The following LIMCH1 variants were observed in gnomAD, a reference collection of about 807,000 sequenced individuals.
LIMCH1 encodes the protein LIM and calponin homology domains-containing protein 1.
A neutral mutation model predicts 176.5 loss-of-function variants in LIMCH1; 113 were observed. The ratio of observed to expected loss-of-function variants is 0.64; its 90% CI spans 0.55 to 0.75. The LOEUF is 0.75. LIMCH1 is among the 30% of genes least tolerant of loss of function. LIMCH1 has a pLI of 0.00. For synonymous variants in LIMCH1, 619 were observed against 645.9 expected, an observed-to-expected ratio of 0.96 and a Z score of 0.63; for missense variants, 1,674 against 1,814.9, an observed-to-expected ratio of 0.92 and a Z score of 1.41.
At chr4:41,610,113 G>A (rs1265596553) in intron 4 of LIMCH1, among the ~76,000 whole-genome samples, 2 of 152,168 alleles carry the variant, frequency 1.3e-5, no homozygotes, top group Non-Finnish European at 2.9e-5. Context: ...TTTCTACACA[G>A]CCGTGAATAT....
chr4:41,687,128 T>C (rs1171755474), intron 28 of LIMCH1, among the ~76,000 whole-genome samples: 1 of 152,200 alleles, frequency 6.6e-6, no homozygotes, highest in Non-Finnish European at 1.5e-5. Context: ...CTGGTATTTT[T>C]CTTTCCCTTG....
chr4:41,454,415 A>G (rs2064273194), intron 1 of LIMCH1, among the ~76,000 whole-genome samples: 1 of 152,156 alleles, frequency 6.6e-6, no homozygotes, highest in Admixed American at 6.5e-5. Context: ...AATTAATAAA[A>G]ATGGAGTGTT....
intron 21 of LIMCH1, among the ~76,000 whole-genome samples, chr4:41,669,746 T>C (rs1452220726): frequency 6.6e-6 from 1 of 152,196 alleles, no homozygotes; most frequent in Non-Finnish European, 1.5e-5. Flanking sequence ...AAATACATGA[T>C]TTGTCTTCAA....
chr4:41,674,471 G>T (rs1489621629), intron 22 of LIMCH1, among the ~76,000 whole-genome samples: 3 of 152,166 alleles, frequency 2.0e-5, no homozygotes, highest in Non-Finnish European at 2.9e-5. Flanking sequence ...ATTAAATTCC[G>T]ATAGAATTTC....
chr4:41,650,306 T>G, intron 17 of LIMCH1, 87 bp from the exon 18 acceptor site: 1 of 906,398 alleles, frequency 1.1e-6, no homozygotes, highest in Non-Finnish European at 1.8e-6. Flanking sequence ...ATGATGATCT[T>G]TTGAGGTAAT....
In LIMCH1 at chr4:41,631,496, G is replaced by T. The variant is rs1394710810; in HGVS notation, c.1601+19G>T. 12 of 1,486,034 alleles carry T rather than the reference G, an allele frequency of 8.1e-6. No homozygotes were observed. The highest frequency in any genetic ancestry group is 1.1e-5 in the Non-Finnish European group (12 of 1,122,036). The allele number at this position is 1,486,034 out of a possible 1,614,324, so 92.1% of individuals were successfully genotyped here. A position where few individuals can be genotyped will look rare whatever the true frequency, so the allele number is the denominator to read the frequency against. ...ACTGCAGGTATTTTTTGCCATACGT[G>T]TGCAAGGATATCTGCATGGGAGTCA... On this transcript the variant is annotated intron_variant, in intron 10 of 31. Transcript: ENST00000503057.
intron 4 of LIMCH1, among the ~76,000 whole-genome samples, chr4:41,608,884 C>T (rs1327925555): frequency 6.6e-6 from 1 of 152,128 alleles, no homozygotes; most frequent in Non-Finnish European, 1.5e-5. Flanking sequence ...TCCTTAAACT[C>T]ATTATTTCTT....
chr4:41,419,280 A>C (rs956430574), intron 1 of LIMCH1, among the ~76,000 whole-genome samples: 1 of 151,888 alleles, frequency 6.6e-6, no homozygotes, highest in Non-Finnish European at 1.5e-5. Flanking sequence ...CGGGTTCCAC[A>C]GATTCTCCTG....
intron 1 of LIMCH1, among the ~76,000 whole-genome samples, chr4:41,440,969 T>C (rs931458434): frequency 1.3e-5 from 2 of 152,212 alleles, no homozygotes; most frequent in Non-Finnish European, 2.9e-5. Context: ...TGGTCTTAAG[T>C]CTTTGATTCT....
At chr4:41,547,873 A>G (rs1366504712) in intron 1 of LIMCH1, among the ~76,000 whole-genome samples, 133 of 134,090 alleles carry the variant, frequency 9.9e-4, no homozygotes, top group African/African-American at 3.7e-3. Context: ...GTATATATAT[A>G]TATATATATA....
intron 1 of LIMCH1, among the ~76,000 whole-genome samples, chr4:41,390,244 G>GAGAC (rs1253371397): frequency 7.5e-6 from 1 of 133,622 alleles, no homozygotes; most frequent in Non-Finnish European, 1.5e-5. Flanking sequence ...CTCAGGGAGA[G>GAGAC]AGAGAGAGAG....
At chr4:41,689,729 G>A in intron 30 of LIMCH1, 94 bp downstream of exon 30, 1 of 776,094 alleles carries the variant, frequency 1.3e-6, no homozygotes. Context: ...ATTCTGGAGG[G>A]CTTTGTCTGT....
At chr4:41,686,370 A>C (rs999407211) in intron 28 of LIMCH1, among the ~76,000 whole-genome samples, 2 of 152,174 alleles carry the variant, frequency 1.3e-5, no homozygotes, top group African/African-American at 2.4e-5. Context: ...CCAATAACTT[A>C]ATGAGATTGT....
intron 18 of LIMCH1, 33 bp downstream of exon 18, chr4:41,650,641 G>T (rs781690694): frequency 2.0e-6 from 3 of 1,536,388 alleles, no homozygotes; most frequent in South Asian, 1.2e-5. Context: ...CCTCCCTTTG[G>T]GATAATTCCA....
intron 1 of LIMCH1, among the ~76,000 whole-genome samples, chr4:41,394,764 G>A (rs145347872): frequency 1.3e-4 from 20 of 152,304 alleles, no homozygotes; most frequent in African/African-American, 4.6e-4. Context: ...ATTATTCATA[G>A]AGCATCTTTC....
intron 4 of LIMCH1, among the ~76,000 whole-genome samples, chr4:41,610,592 T>G (rs143525966): frequency 4.6e-5 from 7 of 152,358 alleles, no homozygotes; most frequent in African/African-American, 1.7e-4. Flanking sequence ...ACAGGCATTT[T>G]TCTGAATACT....
chr4:41,627,856 T>C (rs1274119967), intron 8 of LIMCH1, among the ~76,000 whole-genome samples: 1 of 152,230 alleles, frequency 6.6e-6, no homozygotes, highest in Non-Finnish European at 1.5e-5. Context: ...TTTTTGCCCA[T>C]CACTTTAGAG....
At chr4:41,636,275 G>A (rs1405504825) in intron 13 of LIMCH1, among the ~76,000 whole-genome samples, 3 of 147,898 alleles carry the variant, frequency 2.0e-5, no homozygotes, top group East Asian at 3.9e-4. Flanking sequence ...TGTGACCTGC[G>A]TGGCCAATTT....
chr4:41,380,477 CT>C (rs942969093), intron 1 of LIMCH1, among the ~76,000 whole-genome samples: 460 of 142,822 alleles, frequency 3.2e-3, no homozygotes, highest in Admixed American at 3.5e-3. Flanking sequence ...TCTTTTCTTT[CT>C]TTTTTTTTTT....
Sources: gnomAD v4.1 joint callset for allele counts (sites outside exome capture counted in the v4.1 genomes callset) on GRCh38, gnomAD v4.1.1 for gene constraint, MANE v1.5 for transcripts, NCBI Gene and HGNC (gene_info 2026-07-23, HGNC 2026-07-21) for gene names.